Variants in HECW1 observed in about 807,000 individuals in gnomAD.
The protein encoded by HECW1 is HECT, C2 and WW domain containing E3 ubiquitin protein ligase 1.
In HECW1, 61 loss-of-function variants were observed where a neutral mutation model predicts 182.3. The observed-to-expected ratio is 0.33, with a 90% CI of 0.27 to 0.41. HECW1 has a LOEUF of 0.41. HECW1 is among the 10% of genes least tolerant of loss of function. The pLI is 1.00. For missense variants in HECW1, 1,739 were observed against 2,108.9 expected (o/e 0.82, Z 3.44); for synonymous variants, 859 against 832.6 (o/e 1.03, Z -0.55).
intron 17 of HECW1, among the ~76,000 whole-genome samples, chr7:43,488,846 G>GT (rs1156581346): frequency 3.3e-5 from 5 of 152,204 alleles, no homozygotes; most frequent in African/African-American, 1.2e-4. Context: ...GCAGCAAGCC[G>GT]TATCTCCCCC....
intron 4 of HECW1, among the ~76,000 whole-genome samples, chr7:43,315,524 C>G (rs1352884307): frequency 7.3e-5 from 11 of 151,494 alleles, no homozygotes; most frequent in Admixed American, 4.6e-4. Flanking sequence ...GATGGAATCT[C>G]GCTCTGTTGC....
At chr7:43,179,351 A>T (rs943303388) in intron 2 of HECW1, among the ~76,000 whole-genome samples, 2 of 152,206 alleles carry the variant, frequency 1.3e-5, no homozygotes, top group African/African-American at 4.8e-5. Context: ...CCCAAGTCTG[A>T]GAGTTCCAAG....
intron 2 of HECW1, among the ~76,000 whole-genome samples, chr7:43,131,513 G>A (rs1786913225): frequency 6.6e-6 from 1 of 152,148 alleles, no homozygotes; most frequent in South Asian, 2.1e-4. Flanking sequence ...GATTAATACA[G>A]TGTATACAAA....
chr7:43,429,316 A>G (rs1365990056), intron 8 of HECW1, among the ~76,000 whole-genome samples: 1 of 138,066 alleles, frequency 7.2e-6, no homozygotes, highest in Admixed American at 7.3e-5. Flanking sequence ...ATATATATAT[A>G]TATATATATA....
At chr7:43,326,502 G>A (rs534608013) in intron 5 of HECW1, among the ~76,000 whole-genome samples, 23 of 152,130 alleles carry the variant, frequency 1.5e-4, no homozygotes, top group Non-Finnish European at 2.8e-4. Flanking sequence ...TCCACAAGGC[G>A]GCCCCATGAA....
intron 19 of HECW1, among the ~76,000 whole-genome samples, chr7:43,500,063 T>A (rs2079278598): frequency 6.6e-6 from 1 of 151,656 alleles, no homozygotes; most frequent in South Asian, 2.1e-4. Context: ...ACTCACTCTT[T>A]CCTCCCATGG....
intron 2 of HECW1, among the ~76,000 whole-genome samples, chr7:43,223,124 T>C (rs912436896): frequency 1.3e-5 from 2 of 152,236 alleles, no homozygotes; most frequent in African/African-American, 4.8e-5. Flanking sequence ...GTCATCCTTC[T>C]CTTTCTATCC....
intron 5 of HECW1, among the ~76,000 whole-genome samples, chr7:43,336,144 T>TCTCTCTCTCTCTCTCTC (rs1812211759): frequency 1.9e-5 from 1 of 51,924 alleles, no homozygotes; most frequent in Non-Finnish European, 3.7e-5. Flanking sequence ...CTCTCTCTCT[T>TCTCTCTCTCTCTCTCTC]TCTCTCTCTC....
At chr7:43,475,136 G>A (rs1475214694) in intron 16 of HECW1, among the ~76,000 whole-genome samples, 6 of 152,164 alleles carry the variant, frequency 3.9e-5, no homozygotes, top group South Asian at 2.1e-4. Flanking sequence ...ATTGTTTTAC[G>A]TATATTTTGC....
chr7:43,353,751 C>G (rs1043865058), intron 5 of HECW1, among the ~76,000 whole-genome samples: 4 of 152,104 alleles, frequency 2.6e-5, no homozygotes, highest in African/African-American at 9.7e-5. Flanking sequence ...TTTTGGGTTC[C>G]CTGGGAGGAG....
At chr7:43,219,934 G>T (rs1395998232) in intron 2 of HECW1, among the ~76,000 whole-genome samples, 1 of 152,134 alleles carries the variant, frequency 6.6e-6, no homozygotes, top group African/African-American at 2.4e-5. Context: ...TCAGTCAGCT[G>T]GGCCAGCCCT....
intron 2 of HECW1, among the ~76,000 whole-genome samples, chr7:43,171,582 A>G (rs1791695512): frequency 6.6e-6 from 1 of 152,202 alleles, no homozygotes; most frequent in Non-Finnish European, 1.5e-5. Flanking sequence ...AACCATTTCA[A>G]TACAATAGGT....
chr7:43,156,234 T>C (rs1789869544), intron 2 of HECW1, among the ~76,000 whole-genome samples: 1 of 152,206 alleles, frequency 6.6e-6, no homozygotes, highest in African/African-American at 2.4e-5. Context: ...AAGATTTTGG[T>C]GTGCATTAAG....
chr7:43,272,577 TC>T (rs1361871319), intron 3 of HECW1, among the ~76,000 whole-genome samples: 5 of 152,120 alleles, frequency 3.3e-5, no homozygotes, highest in African/African-American at 1.2e-4. Context: ...GAAGAAATGC[TC>T]CGTGTCACTA....
chr7:43,493,045 C>G, intron 18 of HECW1, 39 bp from the exon 19 acceptor site: 1 of 1,388,250 alleles, frequency 7.2e-7, no homozygotes, highest in Non-Finnish European at 1.0e-6. Context: ...TATCTCTGGG[C>G]TGCAGACTCA....
intron 3 of HECW1, among the ~76,000 whole-genome samples, chr7:43,292,201 G>A (rs989947651): frequency 4.6e-5 from 7 of 152,138 alleles, no homozygotes; most frequent in Non-Finnish European, 8.8e-5. Context: ...GCATATTCTG[G>A]TCTCCTACAA....
At chr7:43,435,630 C>A (rs2076685306) in intron 8 of HECW1, among the ~76,000 whole-genome samples, 1 of 152,078 alleles carries the variant, frequency 6.6e-6, no homozygotes, top group South Asian at 2.1e-4. Context: ...TGGAAGTGAA[C>A]ACTTATTTAC....
At chr7:43,531,094 C>T (rs1429117183) in intron 24 of HECW1, among the ~76,000 whole-genome samples, 7 of 152,214 alleles carry the variant, frequency 4.6e-5, no homozygotes, top group Non-Finnish European at 1.0e-4. Context: ...ATGAATTGCA[C>T]GCTGTTCTAA....
intron 13 of HECW1, among the ~76,000 whole-genome samples, chr7:43,456,660 T>C (rs1407868600): frequency 1.3e-5 from 2 of 152,204 alleles, no homozygotes; most frequent in Non-Finnish European, 2.9e-5. Context: ...CATTTAAGGA[T>C]GGGAAATCGT....
Sources: gnomAD v4.1 joint callset for allele counts (sites outside exome capture counted in the v4.1 genomes callset) on GRCh38, gnomAD v4.1.1 for gene constraint, MANE v1.5 for transcripts, NCBI Gene and HGNC (gene_info 2026-07-23, HGNC 2026-07-21) for gene names.